GRK5: variants seen among roughly 807,000 people sequenced by gnomAD.
The protein encoded by GRK5 is g protein-coupled receptor kinase GRK5.
Under a neutral mutation model 78.4 loss-of-function variants are expected in GRK5, and 40 were observed. That is an observed-to-expected ratio of 0.51 (90% confidence interval 0.40 to 0.66). The LOEUF (loss-of-function observed/expected upper bound fraction) is 0.66, where lower values mean the gene tolerates loss of function less well. GRK5 is among the 30% of genes least tolerant of loss of function. The pLI is 0.00. For missense variants in GRK5, 598 were observed against 759.9 expected (o/e 0.79, Z 2.50); for synonymous variants, 289 against 296.8 (o/e 0.97, Z 0.27).
intron 1 of GRK5, among the ~76,000 whole-genome samples, chr10:119,250,352 G>A (rs1413563617): frequency 6.6e-6 from 1 of 152,022 alleles, no homozygotes; most frequent in East Asian, 1.9e-4. Context: ...CTAATTCCAG[G>A]AAGGATAAGG....
chr10:119,402,282 T>C (rs1341594733), intron 4 of GRK5, among the ~76,000 whole-genome samples: 1 of 152,134 alleles, frequency 6.6e-6, no homozygotes, highest in Non-Finnish European at 1.5e-5. Flanking sequence ...GCCGTGAGCG[T>C]GGCTTGTCTT....
At chr10:119,328,124 G>A (rs1465350057) in intron 2 of GRK5, among the ~76,000 whole-genome samples, 1 of 152,246 alleles carries the variant, frequency 6.6e-6, no homozygotes, top group Non-Finnish European at 1.5e-5. Flanking sequence ...GAGACCAGGG[G>A]CCCATGCCCC....
At chr10:119,216,945 T>A (rs76685159) in intron 1 of GRK5, among the ~76,000 whole-genome samples, 3,050 of 151,024 alleles carry the variant, frequency 0.02, 65 homozygotes, top group South Asian at 0.061. Context: ...AATAATAATT[T>A]AAAAAAAAAC....
At chr10:119,449,907 G>A (rs1403387346) in intron 13 of GRK5, among the ~76,000 whole-genome samples, 5 of 152,210 alleles carry the variant, frequency 3.3e-5, no homozygotes, top group Admixed American at 6.5e-5. Flanking sequence ...CTGGCGAACC[G>A]CCTGGGGAGC....
chr10:119,339,712 G>C (rs1230420489), intron 2 of GRK5, among the ~76,000 whole-genome samples: 2 of 152,134 alleles, frequency 1.3e-5, no homozygotes, highest in Non-Finnish European at 2.9e-5. Context: ...GGGCAACATG[G>C]CGAAACCTAG....
In GRK5 at chr10:119,459,346, A is replaced by C. The variant is rs1853447465; in HGVS notation, c.*4279A>C. The C allele has an allele frequency of 6.6e-6, 1 of 152,162 alleles. No individual in the cohort carries two copies. Among genetic ancestry groups the C allele is most frequent in the African/African-American group, 2.4e-5 (1 of 41,428 alleles). 9.4% of individuals were successfully genotyped at this position (152,162 alleles called of 1,614,324 possible). ...GCCTAAACGTAAAGGCTTGTGCCGG[A>C]GACAGTGATTGAAAACATTTGAAAA... On this transcript the variant is annotated 3_prime_UTR_variant, in exon 16 of 16. Transcript: ENST00000392870.
chr10:119,408,727 G>C (rs988336360), intron 4 of GRK5, among the ~76,000 whole-genome samples: 1 of 152,164 alleles, frequency 6.6e-6, no homozygotes, highest in Admixed American at 6.5e-5. Flanking sequence ...CTGCTTAACA[G>C]GTACAGAGTG....
intron 2 of GRK5, among the ~76,000 whole-genome samples, chr10:119,337,558 G>A (rs893236823): frequency 2.0e-5 from 3 of 152,138 alleles, no homozygotes; most frequent in Admixed American, 6.5e-5. Context: ...CCCTATCCCT[G>A]TCTTCACCTT....
intron 3 of GRK5, among the ~76,000 whole-genome samples, chr10:119,391,513 C>A (rs1386884896): frequency 1.3e-5 from 2 of 152,208 alleles, no homozygotes; most frequent in Non-Finnish European, 2.9e-5. Flanking sequence ...GCTGATGCAA[C>A]ACCCCTGAGC....
chr10:119,434,607 A>AT (rs1852884313), intron 8 of GRK5, among the ~76,000 whole-genome samples: 1 of 152,224 alleles, frequency 6.6e-6, no homozygotes, highest in Non-Finnish European at 1.5e-5. Flanking sequence ...GTGGGTTCCC[A>AT]CGGTCTTGGG....
Position 119,452,469 on chromosome 10 carries a change from A to G in GRK5, c.1405-202A>G, listed in dbSNP as rs75464433. ...AGGCCATCATCTGAGGTGGACAGGA[A>G]GCCCAGCCAAGCCACTGGGGCCGAC... On this transcript the variant is annotated intron_variant, in intron 13 of 15. Coordinates refer to ENST00000392870, the MANE Select transcript of GRK5 (RefSeq NM_005308.3). This position sits in a 1 kb window ranked among gnomAD's most constrained non-coding sequence, Gnocchi z 4.4. The G allele has an allele frequency of 5.0e-3, 2,816 of 566,856 alleles. 59 individuals carry two copies. The highest frequency in any genetic ancestry group is 0.046 in the African/African-American group (2,432 of 53,304). The allele number at this position is 566,856 out of a possible 1,614,324, so 35.1% of individuals were successfully genotyped here.
At chr10:119,422,757 C>T (rs908623267) in intron 4 of GRK5, among the ~76,000 whole-genome samples, 3 of 152,270 alleles carry the variant, frequency 2.0e-5, no homozygotes, top group Admixed American at 6.5e-5. Context: ...CGCTGCACAG[C>T]CCCTTATGGT....
At chr10:119,230,629 G>C (rs1183783514) in intron 1 of GRK5, among the ~76,000 whole-genome samples, 1 of 151,896 alleles carries the variant, frequency 6.6e-6, no homozygotes, top group Non-Finnish European at 1.5e-5. Context: ...AATTCAAGAT[G>C]AAATTTGGGT....
chr10:119,266,533 G>A (rs563747071), intron 1 of GRK5, among the ~76,000 whole-genome samples: 2 of 152,168 alleles, frequency 1.3e-5, no homozygotes, highest in Admixed American at 6.5e-5. Context: ...ACCTTCCAAT[G>A]GGCTTTTCCT....
rs545170705 is a variant in GRK5 at position 119,344,872 on chromosome 10, CCCTTCCTTCCTTCCTTCCTTCCTTCCTT to C, written c.148+18298_148+18325del. Among the ~76,000 whole-genome samples the C allele has an allele frequency of 1.2e-3, 88 of 73,718 alleles. No individual in the cohort carries two copies. The Middle Eastern group carries it at 0.022, about 19-fold the overall frequency. 48.4% of individuals were successfully genotyped at this position (73,718 alleles called of 152,430 possible). ...CTTGGCCAGCCAGCCACAAGACCCA[CCCTTCCTTCCTTCCTTCCTTCCTTCCTT>C]CCTTCCTTCCTTCCTTCCTTCCTTC... On this transcript the variant is annotated intron_variant, in intron 2 of 15. Coordinates refer to ENST00000392870, the MANE Select transcript of GRK5 (RefSeq NM_005308.3).
intron 1 of GRK5, among the ~76,000 whole-genome samples, chr10:119,297,616 C>T (rs568200640): frequency 9.2e-5 from 14 of 152,328 alleles, no homozygotes; most frequent in African/African-American, 3.4e-4. Flanking sequence ...AACTCAGGAG[C>T]GGGTTTGTTA....
At chr10:119,308,698 TA>T (rs935263971) in intron 1 of GRK5, among the ~76,000 whole-genome samples, 6 of 152,252 alleles carry the variant, frequency 3.9e-5, no homozygotes, top group Non-Finnish European at 5.9e-5. Context: ...TTCTGAGGAT[TA>T]GAGACAATGG....
At position 119,311,249 on chromosome 10, in the gene GRK5, A is replaced by G. The variant is rs188855180; in HGVS notation, c.53-15267A>G. Among the ~76,000 whole-genome samples, 280 of 152,260 alleles carry G rather than the reference A, an allele frequency of 1.8e-3. 1 individual carries two copies. The highest frequency in any genetic ancestry group is 6.6e-3 in the African/African-American group (273 of 41,552). On this transcript the variant is annotated intron_variant, in intron 1 of 15. Coordinates refer to ENST00000392870, the MANE Select transcript of GRK5 (RefSeq NM_005308.3). The stretch of plus-strand genomic sequence containing the variant: ...GATGGAGCTTTTGCTATGTCCAAGC[A>G]CTGTTCTAGGTGTCTGAGAGACAGG...
chr10:119,426,119 C>A (rs932874981), intron 6 of GRK5, among the ~76,000 whole-genome samples: 1 of 152,268 alleles, frequency 6.6e-6, no homozygotes, highest in Admixed American at 6.5e-5. Flanking sequence ...AAGGAGCCAT[C>A]CACTGCTGCC....
Sources: allele counts gnomAD v4.1 joint callset (sites outside exome capture counted in the v4.1 genomes callset), GRCh38; gene constraint gnomAD v4.1.1; non-coding constraint Gnocchi (gnomAD v3.1); transcripts MANE v1.5; gene names NCBI Gene and HGNC (gene_info 2026-07-23, HGNC 2026-07-21).